SH3GL3: variants seen among roughly 807,000 people sequenced by gnomAD.
SH3GL3 encodes the protein SH3 domain containing GRB2 like 3, endophilin A3.
A neutral mutation model predicts 47.7 loss-of-function variants in SH3GL3; 33 were observed. The ratio of observed to expected loss-of-function variants is 0.69; its 90% CI spans 0.52 to 0.92. SH3GL3 has a LOEUF of 0.92. Among genes scored for constraint, SH3GL3 ranks in the 40% least tolerant of loss-of-function variants. The pLI is 0.00. For synonymous variants in SH3GL3, 155 were observed against 148.8 expected, an observed-to-expected ratio of 1.04 and a Z score of -0.30; for missense variants, 363 against 417.8, an observed-to-expected ratio of 0.87 and a Z score of 1.14.
chr15:83,564,612 T>G (rs2045448080), intron 2 of SH3GL3, among the ~76,000 whole-genome samples: 1 of 152,230 alleles, frequency 6.6e-6, no homozygotes, highest in African/African-American at 2.4e-5. Context: ...TGGGGAAAAC[T>G]TTGATGTTAA....
At chr15:83,530,984 A>G (rs2043644517) in intron 1 of SH3GL3, among the ~76,000 whole-genome samples, 1 of 152,224 alleles carries the variant, frequency 6.6e-6, no homozygotes, top group African/African-American at 2.4e-5. Flanking sequence ...CAAGCAAAAC[A>G]ATATTATCAT....
At chr15:83,473,140 A>C (rs959983875) in intron 1 of SH3GL3, among the ~76,000 whole-genome samples, 1 of 136,958 alleles carries the variant, frequency 7.3e-6, no homozygotes, top group Non-Finnish European at 1.5e-5. Context: ...ACATCACCCC[A>C]GTGGGGAGGA....
intron 1 of SH3GL3, among the ~76,000 whole-genome samples, chr15:83,467,109 C>T (rs1006176301): frequency 1.3e-5 from 2 of 152,196 alleles, no homozygotes; most frequent in Non-Finnish European, 2.9e-5. Context: ...TCTAAGAACT[C>T]TTGCTTAGTC....
intron 5 of SH3GL3, among the ~76,000 whole-genome samples, chr15:83,575,511 G>A (rs2059650779): frequency 6.6e-6 from 1 of 152,224 alleles, no homozygotes; most frequent in African/African-American, 2.4e-5. Flanking sequence ...CAAGGTTTAG[G>A]AAGCCTTTCA....
chr15:83,490,871 C>T, intron 1 of SH3GL3: 1 of 1,614,088 alleles, frequency 6.2e-7, no homozygotes, highest in Non-Finnish European at 8.5e-7. Flanking sequence ...TGCAATCAAG[C>T]TAATAGGTGC....
Position 83,557,160 on chromosome 15 carries a change from G to A in SH3GL3, c.46-2093G>A, listed in dbSNP as rs146688005. Among the ~76,000 whole-genome samples, 236 of 152,300 alleles carry A rather than the reference G, an allele frequency of 1.5e-3. 1 individual carries two copies. Among genetic ancestry groups the A allele is most frequent in the African/African-American group, 5.4e-3 (225 of 41,560 alleles). Reference sequence around the variant, plus strand: ...GTGGCCACTTTTGTACTCTACCATGGCAACAAAACGTGGAGGTGCCACTCC... The same window carrying A: ...GTGGCCACTTTTGTACTCTACCATGACAACAAAACGTGGAGGTGCCACTCC... On this transcript the variant is annotated intron_variant, in intron 1 of 8. Transcript: ENST00000427482.
intron 5 of SH3GL3, among the ~76,000 whole-genome samples, chr15:83,574,908 A>G (rs1291737026): frequency 6.6e-6 from 1 of 152,158 alleles, no homozygotes; most frequent in Non-Finnish European, 1.5e-5. Context: ...TTCGTGGGGT[A>G]TCCCTTCTGT....
rs1451661089 is a variant in SH3GL3, at chr15:83,618,370, T to A, written c.*83T>A. On this transcript the variant is annotated 3_prime_UTR_variant, in exon 9 of 9. Coordinates refer to ENST00000427482, the MANE Select transcript of SH3GL3 (RefSeq NM_003027.5). ...GCTCTCAGTGCGGTGTTCTGTGACA[T>A]CCTTTGCTCTCTGACCAACTTAATG... The A allele has an allele frequency of 4.8e-6, 4 of 840,842 alleles. No homozygotes were observed. In the East Asian group the frequency reaches 9.9e-5, roughly 21 times the overall value. 52.1% of individuals were successfully genotyped at this position (840,842 alleles called of 1,614,324 possible).
chr15:83,529,275 G>A (rs2043557665), intron 1 of SH3GL3, among the ~76,000 whole-genome samples: 1 of 152,210 alleles, frequency 6.6e-6, no homozygotes, highest in Admixed American at 6.5e-5. Flanking sequence ...GATCCAGGCA[G>A]GCTGATTCTT....
chr15:83,526,021 T>C (rs972526476), intron 1 of SH3GL3, among the ~76,000 whole-genome samples: 5 of 152,206 alleles, frequency 3.3e-5, no homozygotes, highest in African/African-American at 1.2e-4. Context: ...TTTGGTTCCA[T>C]ATGAATTTTA....
chr15:83,563,362 C>A (rs1317344581), intron 2 of SH3GL3, among the ~76,000 whole-genome samples: 2 of 152,056 alleles, frequency 1.3e-5, no homozygotes, highest in Non-Finnish European at 2.9e-5. Context: ...TCCTTCACTG[C>A]AATTTGCTCG....
intron 8 of SH3GL3, among the ~76,000 whole-genome samples, chr15:83,592,228 C>A (rs1290458496): frequency 6.6e-6 from 1 of 152,176 alleles, no homozygotes; most frequent in African/African-American, 2.4e-5. Flanking sequence ...AACCCTTGGT[C>A]TTCCATAGAC....
chr15:83,499,124 T>A (rs575249716), intron 1 of SH3GL3, among the ~76,000 whole-genome samples: 2 of 152,264 alleles, frequency 1.3e-5, no homozygotes, highest in South Asian at 4.1e-4. Flanking sequence ...TTGTTCTCCG[T>A]GTTCTTACAG....
chr15:83,609,278 A>T, intron 8 of SH3GL3: 1 of 456,078 alleles, frequency 2.2e-6, no homozygotes, highest in South Asian at 1.5e-5. Context: ...AGCCTACAGC[A>T]GACTGGAACC....
intron 1 of SH3GL3, among the ~76,000 whole-genome samples, chr15:83,486,851 C>A (rs2041619908): frequency 6.6e-6 from 1 of 152,198 alleles, no homozygotes; most frequent in Non-Finnish European, 1.5e-5. Context: ...CGCTTCCTGG[C>A]TTGCAGATGG....
intron 8 of SH3GL3, among the ~76,000 whole-genome samples, chr15:83,598,588 A>G (rs1214771175): frequency 6.6e-6 from 1 of 152,234 alleles, no homozygotes; most frequent in African/African-American, 2.4e-5. Context: ...ATTCAATGCC[A>G]CTTATCTCAC....
At chr15:83,522,684 T>C (rs1454429164) in intron 1 of SH3GL3, among the ~76,000 whole-genome samples, 1 of 152,216 alleles carries the variant, frequency 6.6e-6, no homozygotes, top group African/African-American at 2.4e-5. Context: ...CTAAATTTCT[T>C]AAGTCAATAA....
At chr15:83,583,639 C>T (rs1048420770) in intron 6 of SH3GL3, among the ~76,000 whole-genome samples, 1 of 152,152 alleles carries the variant, frequency 6.6e-6, no homozygotes, top group Non-Finnish European at 1.5e-5. Context: ...ATATATGCTG[C>T]TAATCATCCA....
At chr15:83,579,329 T>C in intron 6 of SH3GL3, among the ~76,000 whole-genome samples, 1 of 152,154 alleles carries the variant, frequency 6.6e-6, no homozygotes. Context: ...AGTGGAGGTT[T>C]CCCCTGTTCA....
Sources: allele counts gnomAD v4.1 joint callset (sites outside exome capture counted in the v4.1 genomes callset), GRCh38; gene constraint gnomAD v4.1.1; transcripts MANE v1.5; gene names NCBI Gene and HGNC (gene_info 2026-07-23, HGNC 2026-07-21).